The following SPATA6 variants were observed in gnomAD, a reference collection of about 807,000 sequenced individuals.
SPATA6 encodes the protein spermatogenesis associated 6.
A neutral mutation model predicts 65.3 loss-of-function variants in SPATA6; 56 were observed. The observed-to-expected ratio is 0.86, with a 90% CI of 0.69 to 1.07. SPATA6 has a LOEUF of 1.07. Among genes scored for constraint, SPATA6 ranks in the 50% least tolerant of loss-of-function variants. The probability of loss-of-function intolerance (pLI) is 0.00; values close to 1 mark genes in which losing one functional copy is unlikely to be tolerated. For missense variants in SPATA6, 590 were observed against 594.8 expected (o/e 0.99, Z 0.08); for synonymous variants, 199 against 213.2 (o/e 0.93, Z 0.58).
In SPATA6 at chr1:48,296,246, T is replaced by C. The variant is rs1019136125; in HGVS notation, c.*2467A>G. 1 of 152,092 alleles carries C rather than the reference T, an allele frequency of 6.6e-6. No individual in the cohort carries two copies. Among genetic ancestry groups the C allele is most frequent in the Non-Finnish European group, 1.5e-5 (1 of 67,998 alleles). 9.4% of individuals were successfully genotyped at this position (152,092 alleles called of 1,614,324 possible). On this transcript the variant is annotated 3_prime_UTR_variant, in exon 13 of 13. Transcript: ENST00000371847. Reference sequence around the variant, plus strand: ...AACTATTAGTACTTAAAGGTTTTACTCTTTAAAAACAATACAGCATAAGCA... The same window carrying C: ...AACTATTAGTACTTAAAGGTTTTACCCTTTAAAAACAATACAGCATAAGCA...
chr1:48,462,129 A>C (rs929450030), intron 1 of SPATA6, among the ~76,000 whole-genome samples: 1 of 150,726 alleles, frequency 6.6e-6, no homozygotes, highest in East Asian at 2.0e-4. Flanking sequence ...TCACTCATAG[A>C]TGGGAATTGA....
chr1:48,394,450 T>C (rs1368422464), intron 8 of SPATA6, among the ~76,000 whole-genome samples: 1 of 152,154 alleles, frequency 6.6e-6, no homozygotes, highest in Non-Finnish European at 1.5e-5. Flanking sequence ...CATCTGTTTC[T>C]AATTTCACAT....
rs1217050727 is a variant in SPATA6 at position 48,385,255 on chromosome 1, ATGT to A, written c.909+51_909+53del. On this transcript the variant is annotated intron_variant, in intron 9 of 12. Coordinates refer to ENST00000371847, the MANE Select transcript of SPATA6 (RefSeq NM_019073.4). The stretch of plus-strand genomic sequence containing the variant: ...ATATACATATATATGAAATAGACTC[ATGT>A]TGTTGTCTGAAAGCCAGAACAATTA... 5 of 1,487,858 alleles carry A rather than the reference ATGT, an allele frequency of 3.4e-6. No homozygotes were observed. The Admixed American group carries it at 1.1e-4, about 32-fold the overall frequency. 92.2% of individuals were successfully genotyped at this position (1,487,858 alleles called of 1,614,324 possible). A position where few individuals can be genotyped will look rare whatever the true frequency, so the allele number is the denominator to read the frequency against.
At chr1:48,291,501 A>G (rs1449394634), downstream of SPATA6, among the ~76,000 whole-genome samples, 1 of 152,112 alleles carries the variant, frequency 6.6e-6, no homozygotes, top group African/African-American at 2.4e-5. Context: ...GTCACCAGGG[A>G]AGTGGGGGAA....
At chr1:48,386,195 C>T (rs546927017) in intron 8 of SPATA6, among the ~76,000 whole-genome samples, 38 of 152,198 alleles carry the variant, frequency 2.5e-4, no homozygotes, top group Admixed American at 1.2e-3. Flanking sequence ...TGATACACTT[C>T]GTGAAAATCC....
intron 8 of SPATA6, among the ~76,000 whole-genome samples, chr1:48,387,409 T>A (rs758774016): frequency 2.6e-5 from 4 of 152,188 alleles, no homozygotes; most frequent in African/African-American, 9.6e-5. Context: ...CCAGCAGCAC[T>A]GGGGCTGAGG....
chr1:48,451,871 A>T (rs2148154161), intron 2 of SPATA6, among the ~76,000 whole-genome samples: 1 of 152,252 alleles, frequency 6.6e-6, no homozygotes, highest in South Asian at 2.1e-4. Flanking sequence ...ACCCATCAAG[A>T]TTATTTTCAA....
chr1:48,436,907 A>C (rs1256320314), intron 3 of SPATA6: 53 of 1,613,440 alleles, frequency 3.3e-5, no homozygotes, highest in Non-Finnish European at 4.2e-5. Flanking sequence ...GGAATTGGAG[A>C]AAGTGTGCTT....
chr1:48,385,997 TCAA>T (rs1025297566), intron 8 of SPATA6, among the ~76,000 whole-genome samples: 3 of 152,184 alleles, frequency 2.0e-5, no homozygotes, highest in Admixed American at 6.5e-5. Flanking sequence ...AATACCATCA[TCAA>T]CAACAACATC....
rs79872214 is a variant in SPATA6, at chr1:48,426,646, T to A, written c.239-13495A>T. Among the ~76,000 whole-genome samples, 360 of 151,694 alleles carry A rather than the reference T, an allele frequency of 2.4e-3. 3 individuals carry two copies. The highest frequency in any genetic ancestry group is 0.02 in the East Asian group (103 of 5,174). Reference sequence around the variant, plus strand: ...CTTCTAAGAGATAAGAAAAAAAAAATTTTTTTAATTTAAATTCAATTAAAA... The same window carrying A: ...CTTCTAAGAGATAAGAAAAAAAAAAATTTTTTAATTTAAATTCAATTAAAA... On this transcript the variant is annotated intron_variant, in intron 3 of 12. Transcript: ENST00000371847.
At chr1:48,403,666 T>C in intron 6 of SPATA6, 136 bp downstream of exon 6, 1 of 610,058 alleles carries the variant, frequency 1.6e-6, no homozygotes, top group South Asian at 2.4e-5. Flanking sequence ...AATACCTATA[T>C]TGTTTCACTT....
chr1:48,408,150 C>G (rs1196889891), intron 5 of SPATA6, among the ~76,000 whole-genome samples: 2 of 152,170 alleles, frequency 1.3e-5, no homozygotes, highest in African/African-American at 4.8e-5. Context: ...TAGGGCATAT[C>G]ATAAATCTAT....
chr1:48,401,732 A>G (rs1043189759), intron 6 of SPATA6, among the ~76,000 whole-genome samples: 2 of 152,086 alleles, frequency 1.3e-5, no homozygotes, highest in African/African-American at 4.8e-5. Context: ...ATGTGAGTAA[A>G]GCCATCCTAA....
chr1:48,265,753 G>A, the SPATA6 span, among the ~76,000 whole-genome samples: 1 of 152,106 alleles, frequency 6.6e-6, no homozygotes, highest in Non-Finnish European at 1.5e-5. Context: ...CAGAGGCTGG[G>A]ATTTTTAACA....
downstream of SPATA6, among the ~76,000 whole-genome samples, chr1:48,294,038 T>G (rs1644785065): frequency 1.3e-5 from 2 of 152,356 alleles, no homozygotes; most frequent in Admixed American, 6.5e-5. Context: ...CTTACTTACC[T>G]CTTCGTTTCG....
intron 9 of SPATA6, among the ~76,000 whole-genome samples, chr1:48,375,117 CCT>C (rs1324175754): frequency 6.6e-6 from 1 of 152,080 alleles, no homozygotes; most frequent in African/African-American, 2.4e-5. Context: ...CTTCTTTTAG[CCT>C]CTCTCTTCAG....
rs887724581 is a variant in SPATA6 at position 48,392,149 on chromosome 1, C to T, written c.868+3118G>A. 1.4e-4 allele frequency among the ~76,000 whole-genome samples: 21 copies of T among 152,022 alleles called. 1 individual carries two copies. The highest frequency in any genetic ancestry group is 5.1e-4 in the African/African-American group (21 of 41,434). On this transcript the variant is annotated intron_variant, in intron 8 of 12. Transcript: ENST00000371847. ...CATACTAGGATTTGAAATGTTATTT[C>T]TATTTTACTTTGTGACAGTTAATCA...
intron 8 of SPATA6, among the ~76,000 whole-genome samples, chr1:48,390,107 T>C (rs1649895164): frequency 6.6e-6 from 1 of 152,156 alleles, no homozygotes; most frequent in Non-Finnish European, 1.5e-5. Context: ...AGGAAATTAG[T>C]ATATTGAAGA....
intron 1 of SPATA6, among the ~76,000 whole-genome samples, chr1:48,453,623 G>GA (rs1170523462): frequency 6.6e-6 from 1 of 152,076 alleles, no homozygotes; most frequent in Non-Finnish European, 1.5e-5. Flanking sequence ...AAGTTTCAAA[G>GA]CTAATAAAAT....
Sources: gnomAD v4.1 joint callset for allele counts (sites outside exome capture counted in the v4.1 genomes callset) on GRCh38, gnomAD v4.1.1 for gene constraint, MANE v1.5 for transcripts, NCBI Gene and HGNC (gene_info 2026-07-23, HGNC 2026-07-21) for gene names.